Variants in NBEA observed in about 807,000 individuals in gnomAD.
NBEA encodes the protein lysosomal-trafficking regulator 2.
A neutral mutation model predicts 343.4 loss-of-function variants in NBEA; 44 were observed. The ratio of observed to expected loss-of-function variants is 0.13; its 90% CI spans 0.10 to 0.16. The LOEUF (loss-of-function observed/expected upper bound fraction) is 0.16, where lower values mean the gene tolerates loss of function less well. NBEA is among the 10% of genes least tolerant of loss of function. The probability of loss-of-function intolerance (pLI) is 1.00; values close to 1 mark genes in which losing one functional copy is unlikely to be tolerated. For missense variants in NBEA, 2,555 were observed against 3,631.3 expected, an observed-to-expected ratio of 0.70 and a Z score of 7.62; for synonymous variants, 1,175 against 1,238.7, an observed-to-expected ratio of 0.95 and a Z score of 1.08.
At chr13:35,167,212 A>G (rs2070104589) in intron 24 of NBEA, among the ~76,000 whole-genome samples, 1 of 152,050 alleles carries the variant, frequency 6.6e-6, no homozygotes, top group Non-Finnish European at 1.5e-5. Flanking sequence ...CTGCTGTGAT[A>G]GTACAAAAGC....
intron 40 of NBEA, among the ~76,000 whole-genome samples, chr13:35,464,890 C>T (rs1030737586): frequency 2.0e-5 from 3 of 152,072 alleles, no homozygotes; most frequent in Admixed American, 1.3e-4. Context: ...AAACAATATA[C>T]TACTCATTAA....
At chr13:35,362,189 G>A (rs2040846439) in intron 38 of NBEA, among the ~76,000 whole-genome samples, 1 of 151,756 alleles carries the variant, frequency 6.6e-6, no homozygotes, top group African/African-American at 2.4e-5. Flanking sequence ...TTTAATTGTT[G>A]TTATAAAGAT....
intron 6 of NBEA, among the ~76,000 whole-genome samples, chr13:35,053,107 A>G (rs1009453923): frequency 4.2e-4 from 64 of 152,074 alleles, no homozygotes; most frequent in African/African-American, 1.4e-3. Context: ...TTTCAATTTT[A>G]TCTTTATCCA....
chr13:34,955,525 C>T (rs752479216), intron 1 of NBEA, among the ~76,000 whole-genome samples: 3 of 151,772 alleles, frequency 2.0e-5, no homozygotes, highest in South Asian at 2.1e-4. Context: ...AAAGGGATCT[C>T]GAAGGACAAG....
At chr13:35,422,080 TTTTG>T (rs1305331727) in intron 38 of NBEA, among the ~76,000 whole-genome samples, 34 of 108,640 alleles carry the variant, frequency 3.1e-4, no homozygotes, top group African/African-American at 8.5e-4. Flanking sequence ...TCCGCCATTT[TTTTG>T]TTTGTTTGTT....
chr13:35,023,476 C>T (rs941381002), intron 1 of NBEA, among the ~76,000 whole-genome samples: 10 of 151,934 alleles, frequency 6.6e-5, no homozygotes, highest in African/African-American at 2.2e-4. Flanking sequence ...TATAGTAGAG[C>T]TATAGTAGAT....
At chr13:35,130,140 G>A (rs1186668147) in intron 17 of NBEA, among the ~76,000 whole-genome samples, 1 of 152,100 alleles carries the variant, frequency 6.6e-6, no homozygotes, top group Admixed American at 6.6e-5. Context: ...GTTGACAGTG[G>A]GGAAAGCTGT....
At position 35,139,744 on chromosome 13, in the gene NBEA, G is replaced by GTTTTTTTT. The variant is rs36117821; in HGVS notation, c.2337-2504_2337-2497dup. On this transcript the variant is annotated intron_variant, in intron 17 of 58. Coordinates refer to ENST00000379939, the MANE Select transcript of NBEA (RefSeq NM_001385012.1). ...TTTCCTGCCTAAGATGATGGATGGC[G>GTTTTTTTT]TTTTTTTTTTTTTTTTTTTTTTTTT... 8.3e-4 allele frequency among the ~76,000 whole-genome samples: 51 copies of GTTTTTTTT among 61,112 alleles called. 6 individuals carry two copies. The highest frequency in any genetic ancestry group is 1.1e-3 in the African/African-American group (14 of 13,032). 40.1% of individuals were successfully genotyped at this position (61,112 alleles called of 152,430 possible).
intron 1 of NBEA, among the ~76,000 whole-genome samples, chr13:34,973,200 T>C (rs1423617398): frequency 6.6e-6 from 1 of 152,042 alleles, no homozygotes; most frequent in Non-Finnish European, 1.5e-5. Flanking sequence ...AGGTACAGAC[T>C]TGTTCCTGGC....
intron 22 of NBEA, among the ~76,000 whole-genome samples, chr13:35,160,805 T>C (rs1043489294): frequency 6.6e-6 from 1 of 152,218 alleles, no homozygotes; most frequent in African/African-American, 2.4e-5. Flanking sequence ...GAGTTATGAC[T>C]GTTTCTTTAT....
intron 35 of NBEA, among the ~76,000 whole-genome samples, chr13:35,293,106 A>G (rs1334270093): frequency 3.9e-5 from 6 of 151,974 alleles, no homozygotes; most frequent in African/African-American, 1.2e-4. Flanking sequence ...TAAACTTACT[A>G]TTCCTAATAG....
intron 35 of NBEA, among the ~76,000 whole-genome samples, chr13:35,306,635 A>G (rs1594147947): frequency 6.6e-6 from 1 of 152,092 alleles, no homozygotes. Context: ...TGTCTTTAAT[A>G]TAAGGTTGCA....
In NBEA at chr13:35,020,028, A is replaced by G. The variant is rs556324097; in HGVS notation, c.295-20905A>G. On this transcript the variant is annotated intron_variant, in intron 1 of 58. Coordinates refer to ENST00000379939, the MANE Select transcript of NBEA (RefSeq NM_001385012.1). ...TCTTTGTTTTTTTCCCTCTTGTTCT[A>G]GTTATATTTTTTCTTTGACTTATTT... 6.6e-5 allele frequency among the ~76,000 whole-genome samples: 10 copies of G among 151,798 alleles called. No individual in the cohort carries two copies. The South Asian group carries it at 8.3e-4, about 13-fold the overall frequency.
At chr13:35,181,167 C>T (rs2071288889) in intron 28 of NBEA, among the ~76,000 whole-genome samples, 1 of 151,802 alleles carries the variant, frequency 6.6e-6, no homozygotes, top group South Asian at 2.1e-4. Context: ...ATACTGACTT[C>T]TTTTCCTCTG....
At chr13:35,422,891 A>G (rs1257550000) in intron 38 of NBEA, among the ~76,000 whole-genome samples, 1 of 152,174 alleles carries the variant, frequency 6.6e-6, no homozygotes, top group Non-Finnish European at 1.5e-5. Flanking sequence ...CATTTCTCTG[A>G]TGGCCAGTGA....
Position 35,069,988 on chromosome 13 carries a change from A to G in NBEA, c.1320A>G (p.Ala440=). The G allele has an allele frequency of 6.2e-7, 1 of 1,606,286 alleles. No individual in the cohort carries two copies. Among genetic ancestry groups the G allele is most frequent in the Non-Finnish European group, 8.5e-7 (1 of 1,176,666 alleles). Residue 440 remains alanine, a synonymous_variant, in exon 9 of 59, where the codon GCA becomes GCG. Coordinates refer to ENST00000379939, the MANE Select transcript of NBEA (RefSeq NM_001385012.1). ...HKQVLYDGKL[A]SSIAFTYNAK... ...AGGTGTTATATGATGGGAAACTTGC[A>G]AGTAGCATTGCCTTTACATATAATG...
chr13:35,326,074 T>C (rs540449582), intron 36 of NBEA, among the ~76,000 whole-genome samples: 11 of 152,178 alleles, frequency 7.2e-5, no homozygotes, highest in Non-Finnish European at 1.2e-4. Flanking sequence ...TAGTTTGAAG[T>C]TGTGTAATGA....
At chr13:35,486,846 CTATT>C (rs1280484327) in intron 41 of NBEA, among the ~76,000 whole-genome samples, 19 of 151,884 alleles carry the variant, frequency 1.3e-4, no homozygotes, top group South Asian at 1.3e-3. Flanking sequence ...TTGGGAGAAA[CTATT>C]TAGGAAAGAT....
At chr13:35,128,337 A>T (rs571974967) in intron 17 of NBEA, among the ~76,000 whole-genome samples, 4 of 152,338 alleles carry the variant, frequency 2.6e-5, no homozygotes, top group African/African-American at 7.2e-5. Context: ...AGAATTCTTT[A>T]TAATGATAAA....
Sources: allele counts gnomAD v4.1 joint callset (sites outside exome capture counted in the v4.1 genomes callset), GRCh38; gene constraint gnomAD v4.1.1; transcripts MANE v1.5; gene names NCBI Gene and HGNC (gene_info 2026-07-23, HGNC 2026-07-21).